The following LMTK2 variants were observed in gnomAD, a reference collection of about 807,000 sequenced individuals.
The protein encoded by LMTK2 is lemur tail kinase 2.
Under a neutral mutation model 127.5 loss-of-function variants are expected in LMTK2, and 37 were observed. The observed-to-expected ratio is 0.29, with a 90% CI of 0.22 to 0.38. The LOEUF is 0.38. Ranked by LOEUF, LMTK2 falls within the 10% of genes least tolerant of loss-of-function variation. The pLI is 1.00. For synonymous variants in LMTK2, 819 were observed against 810.1 expected, an observed-to-expected ratio of 1.01 and a Z score of -0.19; for missense variants, 1,694 against 1,920.3, an observed-to-expected ratio of 0.88 and a Z score of 2.20.
In LMTK2 at chr7:98,107,054, C is replaced by G; in HGVS notation, c.-124C>G. ...CGAGGTTTGGCAGAAGCAACGTGTG[C>G]TCGGGAGCAACCGGCGCGGGTGCCA... On this transcript the variant is annotated 5_prime_UTR_variant, in exon 1 of 14. Transcript: ENST00000297293. 1.5e-6 allele frequency: 1 copy of G among 685,344 alleles called. No individual in the cohort carries two copies. The highest frequency in any genetic ancestry group is 2.2e-6 in the Non-Finnish European group (1 of 456,178). 42.5% of individuals were successfully genotyped at this position (685,344 alleles called of 1,614,324 possible). A position where few individuals can be genotyped will look rare whatever the true frequency, so the allele number is the denominator to read the frequency against.
intron 1 of LMTK2, among the ~76,000 whole-genome samples, chr7:98,136,753 C>T (rs1311498211): frequency 6.6e-6 from 1 of 152,230 alleles, no homozygotes; most frequent in African/African-American, 2.4e-5. Context: ...TAGCCACAAC[C>T]TTGGTCTAAT....
At chr7:98,141,652 C>A in intron 3 of LMTK2, 111 bp downstream of exon 3, 1 of 1,035,118 alleles carries the variant, frequency 9.7e-7, no homozygotes, top group Non-Finnish European at 1.5e-6. Context: ...TGGTTTATTT[C>A]TCTTCCTTCT....
At chr7:98,183,694 C>T (rs1797387342) in intron 7 of LMTK2, among the ~76,000 whole-genome samples, 1 of 152,004 alleles carries the variant, frequency 6.6e-6, no homozygotes, top group South Asian at 2.1e-4. Flanking sequence ...TCTGGCCTCA[C>T]TCCAGCTTTT....
chr7:98,119,146 G>A (rs1327768624), intron 1 of LMTK2, among the ~76,000 whole-genome samples: 1 of 150,762 alleles, frequency 6.6e-6, no homozygotes, highest in Non-Finnish European at 1.5e-5. Context: ...CTAACCAGCT[G>A]AATCAAAATG....
At chr7:98,174,674 C>G (rs1584280844) in intron 7 of LMTK2, among the ~76,000 whole-genome samples, 1 of 152,180 alleles carries the variant, frequency 6.6e-6, no homozygotes, top group Non-Finnish European at 1.5e-5. Context: ...TGCGGAGTAC[C>G]TGGGTGACCA....
rs1327538669 is a variant in LMTK2 at position 98,193,866 on chromosome 7, AGCCCCT to A, written c.3402_3407del (p.Leu1136_Pro1137del). 1 of 1,614,058 alleles carries A rather than the reference AGCCCCT, an allele frequency of 6.2e-7. No individual in the cohort carries two copies. Among genetic ancestry groups the A allele is most frequent in the East Asian group, 2.2e-5 (1 of 44,876 alleles). On this transcript the variant is annotated inframe_deletion, in exon 11 of 14. Coordinates refer to ENST00000297293, the MANE Select transcript of LMTK2 (RefSeq NM_014916.4). This position sits in a 1 kb window ranked among gnomAD's most constrained non-coding sequence, Gnocchi z 4.1. Reference sequence around the variant, plus strand: ...TCCGCCTTGGTGTTGGTACAGGAGCAGCCCCTACCCGAGCCAGTCCTCCCCGAGCAA... The same window carrying A: ...TCCGCCTTGGTGTTGGTACAGGAGCAACCCGAGCCAGTCCTCCCCGAGCAA...
chr7:98,164,969 G>C (rs1797072395), intron 6 of LMTK2, among the ~76,000 whole-genome samples: 1 of 152,220 alleles, frequency 6.6e-6, no homozygotes, highest in South Asian at 2.1e-4. Flanking sequence ...GTCAGTTTCT[G>C]AAGGCAGTTC....
intron 3 of LMTK2, among the ~76,000 whole-genome samples, chr7:98,150,589 A>G (rs1472536369): frequency 6.6e-6 from 1 of 152,194 alleles, no homozygotes; most frequent in African/African-American, 2.4e-5. Context: ...TGATAGCCTC[A>G]ACCTGTAAAT....
chr7:98,169,382 A>C (rs1373571625), intron 6 of LMTK2, among the ~76,000 whole-genome samples: 2 of 152,220 alleles, frequency 1.3e-5, no homozygotes, highest in Non-Finnish European at 2.9e-5. Flanking sequence ...GAGTGTGGTG[A>C]ATATACTTTA....
At position 98,193,129 on chromosome 7, in the gene LMTK2, C is replaced by T. The variant is rs139579653; in HGVS notation, c.2664C>T (p.Gly888=). 2 of 1,613,614 alleles carry T rather than the reference C, an allele frequency of 1.2e-6. No individual in the cohort carries two copies. The highest frequency in any genetic ancestry group is 1.1e-5 in the South Asian group (1 of 91,074). The part of the protein sequence containing the change: ...SLDNRSQDSP[G]ESEETLRLTE... ...ATAACAGGTCCCAGGACTCTCCTGG[C>T]GAGAGTGAGGAGACCCTGCGACTCA... Residue 888 remains glycine, a synonymous_variant, in exon 11 of 14, where the codon GGC becomes GGT. Transcript: ENST00000297293. The surrounding 1 kb of genome is among the most constrained non-coding windows in gnomAD (Gnocchi z 4.1).
chr7:98,171,599 C>A lies in LMTK2; in HGVS notation c.716C>A (p.Thr239Asn). The A allele has an allele frequency of 1.2e-6, 2 of 1,613,112 alleles. No homozygotes were observed. The highest frequency in any genetic ancestry group is 3.6e-4 in the Middle Eastern group (2 of 5,632). ...EQEHMRGDSQ[T>N]MLLQRMACEV... is the part of the protein sequence containing the mutation. ...GAGCACATGCGGGGGGACTCACAGA[C>A]CATGCTGCTGCAGAGGATGGCGTGC... The change falls in exon 7 of 14, where the codon ACC becomes AAC. Residue 239 changes from threonine (T) to asparagine (N), a missense_variant. Physicochemically the swap from Thr to Asn is moderately conservative, Grantham distance 65 (BLOSUM62 0). Coordinates refer to ENST00000297293, the MANE Select transcript of LMTK2 (RefSeq NM_014916.4). This position sits in a 1 kb window ranked among gnomAD's most constrained non-coding sequence, Gnocchi z 5.1.
intron 11 of LMTK2, among the ~76,000 whole-genome samples, chr7:98,196,202 A>G (rs1428701977): frequency 6.6e-6 from 1 of 151,862 alleles, no homozygotes; most frequent in Non-Finnish European, 1.5e-5. Flanking sequence ...AAAAAAAAAA[A>G]AAAGCAGCCT....
intron 1 of LMTK2, among the ~76,000 whole-genome samples, chr7:98,129,888 AC>A (rs1234027910): frequency 6.6e-6 from 1 of 151,910 alleles, no homozygotes; most frequent in Admixed American, 6.6e-5. Context: ...CTGGCCCGTG[AC>A]CCCATTCAGC....
intron 8 of LMTK2, among the ~76,000 whole-genome samples, chr7:98,185,468 A>T (rs938059555): frequency 6.6e-6 from 1 of 152,250 alleles, no homozygotes; most frequent in African/African-American, 2.4e-5. Context: ...TAAAATATAC[A>T]TATCATATAA....
Position 98,206,635 on chromosome 7 carries a change from C to T in LMTK2, c.*1143C>T, listed in dbSNP as rs556948489. On this transcript the variant is annotated 3_prime_UTR_variant, in exon 14 of 14. Coordinates refer to ENST00000297293, the MANE Select transcript of LMTK2 (RefSeq NM_014916.4). ...CGGGGAACTCAGGCAGACTCATCTCCGCAGAGCATACCAGCCGTGGGGGAC... is the reference window on the plus strand; with the variant it reads ...CGGGGAACTCAGGCAGACTCATCTCTGCAGAGCATACCAGCCGTGGGGGAC... The T allele has an allele frequency of 2.6e-5, 4 of 152,326 alleles. No individual in the cohort carries two copies. Among genetic ancestry groups the T allele is most frequent in the Admixed American group, 2.0e-4 (3 of 15,296 alleles). The allele number at this position is 152,326 out of a possible 1,614,324, so 9.4% of individuals were successfully genotyped here. A position where few individuals can be genotyped will look rare whatever the true frequency, so the allele number is the denominator to read the frequency against.
At chr7:98,201,073 T>A (rs1562924445) in intron 11 of LMTK2, among the ~76,000 whole-genome samples, 1 of 152,214 alleles carries the variant, frequency 6.6e-6, no homozygotes, top group Non-Finnish European at 1.5e-5. Flanking sequence ...TCCTTTTATT[T>A]TTAAATAAAT....
chr7:98,121,141 C>T (rs952314536), intron 1 of LMTK2, among the ~76,000 whole-genome samples: 4 of 152,158 alleles, frequency 2.6e-5, no homozygotes, highest in Non-Finnish European at 4.4e-5. Flanking sequence ...CCAGGCCACC[C>T]GTTCACCCTG....
At chr7:98,149,779 A>G (rs539815211) in intron 3 of LMTK2, among the ~76,000 whole-genome samples, 1 of 152,342 alleles carries the variant, frequency 6.6e-6, no homozygotes, top group African/African-American at 2.4e-5. Flanking sequence ...CAAAATTAAA[A>G]GCTTTTTGGA....
Position 98,192,898 on chromosome 7 carries a change from G to A in LMTK2, c.2433G>A (p.Pro811=), listed in dbSNP as rs3801294. The change falls in exon 11 of 14, where the codon CCG becomes CCA. Residue 811 remains proline (P), a synonymous_variant. Coordinates refer to ENST00000297293, the MANE Select transcript of LMTK2 (RefSeq NM_014916.4). The part of the protein sequence containing the change: ...DTLSTSLQSS[P]EVQVPPTSFE... ...TGAGCACCTCATTGCAGTCTTCCCCGGAAGTGCAGGTACCTCCTACCTCCT... is the reference window on the plus strand; with the variant it reads ...TGAGCACCTCATTGCAGTCTTCCCCAGAAGTGCAGGTACCTCCTACCTCCT... 0.48 allele frequency: 769,206 copies of A among 1,613,644 alleles called. 199,093 individuals are homozygous for A. Among genetic ancestry groups the A allele is most frequent in the Middle Eastern group, 0.61 (3,712 of 6,056 alleles).
Sources: gnomAD v4.1 joint callset for allele counts (sites outside exome capture counted in the v4.1 genomes callset) on GRCh38, gnomAD v4.1.1 for gene constraint, Gnocchi (gnomAD v3.1) non-coding constraint, MANE v1.5 for transcripts, NCBI Gene and HGNC (gene_info 2026-07-23, HGNC 2026-07-21) for gene names.